The following NELL2 variants were observed in gnomAD, a reference collection of about 807,000 sequenced individuals.
NELL2 encodes protein kinase C-binding protein NELL2.
NELL2 carries 41 observed loss-of-function variants against 109.6 expected under a neutral mutation model. The observed-to-expected ratio is 0.37, with a 90% CI of 0.29 to 0.49. The LOEUF is 0.49. Among genes scored for constraint, NELL2 ranks in the 20% least tolerant of loss-of-function variants. The pLI is 0.98. For synonymous variants in NELL2, 355 were observed against 344.7 expected (o/e 1.03, Z -0.33); for missense variants, 900 against 1,008.3 (o/e 0.89, Z 1.45).
At chr12:44,913,863 C>T in exon 1 of NELL2, 2 of 692,844 alleles carry the variant, frequency 2.9e-6, no homozygotes, top group South Asian at 2.0e-5. Context: ...CTAAAAGGTT[C>T]TTTTTTCACT....
intron 13 of NELL2, among the ~76,000 whole-genome samples, chr12:44,658,763 C>A (rs1375493098): frequency 6.6e-6 from 1 of 150,402 alleles, no homozygotes; most frequent in Non-Finnish European, 1.5e-5. Flanking sequence ...GTAGTTCCAG[C>A]TACTCAGGAG....
At chr12:44,707,011 T>C (rs767007427) in intron 11 of NELL2, among the ~76,000 whole-genome samples, 46 of 152,176 alleles carry the variant, frequency 3.0e-4, no homozygotes, top group Non-Finnish European at 4.3e-4. Context: ...TAATACATAA[T>C]TATCAAGAGA....
intron 5 of NELL2, among the ~76,000 whole-genome samples, chr12:44,778,741 A>G (rs1436823900): frequency 6.6e-6 from 1 of 152,160 alleles, no homozygotes; most frequent in Non-Finnish European, 1.5e-5. Context: ...GTGCAGGTTT[A>G]TGCATAATAA....
chr12:44,899,558 A>G (rs977655881), intron 1 of NELL2, among the ~76,000 whole-genome samples: 6 of 152,160 alleles, frequency 3.9e-5, no homozygotes, highest in Non-Finnish European at 8.8e-5. Flanking sequence ...TAGACAAGCA[A>G]ATGCTGAGAG....
At chr12:44,787,048 A>C (rs868276422) in intron 3 of NELL2, among the ~76,000 whole-genome samples, 1 of 152,188 alleles carries the variant, frequency 6.6e-6, no homozygotes, top group African/African-American at 2.4e-5. Flanking sequence ...ATAAAAAAAA[A>C]CTATCAGAAC....
chr12:44,636,952 G>T (rs1946660458), intron 13 of NELL2, among the ~76,000 whole-genome samples: 1 of 151,992 alleles, frequency 6.6e-6, no homozygotes, highest in African/African-American at 2.4e-5. Flanking sequence ...TATATTCAGG[G>T]TTTTTACTTC....
intron 11 of NELL2, among the ~76,000 whole-genome samples, chr12:44,710,721 C>G (rs1938150676): frequency 6.6e-6 from 1 of 152,066 alleles, no homozygotes; most frequent in South Asian, 2.1e-4. Context: ...GAAGTCCCTT[C>G]TAATTACTAG....
At chr12:44,685,805 C>T (rs1037301358) in intron 12 of NELL2, among the ~76,000 whole-genome samples, 2 of 152,148 alleles carry the variant, frequency 1.3e-5, no homozygotes, top group African/African-American at 4.8e-5. Flanking sequence ...TGATGGGCTT[C>T]CCTTTGAGGG....
chr12:44,805,246 T>TA (rs1284706838), intron 3 of NELL2, among the ~76,000 whole-genome samples: 2 of 152,026 alleles, frequency 1.3e-5, no homozygotes, highest in African/African-American at 4.8e-5. Flanking sequence ...TCATAAAACT[T>TA]AAACTGATTC....
At chr12:44,878,149 T>A (rs1194949475), upstream of NELL2, among the ~76,000 whole-genome samples, 2 of 152,188 alleles carry the variant, frequency 1.3e-5, no homozygotes, top group African/African-American at 2.4e-5. Flanking sequence ...GTAGGGATAC[T>A]CTCGAGTTTC....
chr12:44,721,162 T>C (rs1592396804), intron 9 of NELL2, among the ~76,000 whole-genome samples: 2 of 152,358 alleles, frequency 1.3e-5, no homozygotes, highest in East Asian at 3.9e-4. Flanking sequence ...TTCAGCATTT[T>C]TGACTCTAAC....
chr12:44,642,623 T>G (rs190334623), intron 13 of NELL2, among the ~76,000 whole-genome samples: 59 of 152,320 alleles, frequency 3.9e-4, no homozygotes, highest in African/African-American at 1.4e-3. Context: ...GGATCATGCC[T>G]GTAATCCCAG....
intron 12 of NELL2, among the ~76,000 whole-genome samples, chr12:44,672,969 C>T (rs1948190103): frequency 6.6e-6 from 1 of 152,092 alleles, no homozygotes; most frequent in African/African-American, 2.4e-5. Flanking sequence ...AATATGAAAC[C>T]TTTTACGAAC....
intron 2 of NELL2, among the ~76,000 whole-genome samples, chr12:44,839,132 T>TTC (rs66620796): frequency 0.84 from 127,763 of 152,044 alleles, 53,898 homozygotes; most frequent in Middle Eastern, 0.95. Flanking sequence ...CATATGATCT[T>TTC]TAAAATTCTA....
intron 13 of NELL2, among the ~76,000 whole-genome samples, chr12:44,635,741 T>G (rs1175818021): frequency 6.6e-6 from 1 of 152,184 alleles, no homozygotes; most frequent in African/African-American, 2.4e-5. Flanking sequence ...TTGTTCTCTT[T>G]GCTTAGGATT....
chr12:44,771,425 G>C (rs573185865), intron 9 of NELL2, among the ~76,000 whole-genome samples: 1 of 152,084 alleles, frequency 6.6e-6, no homozygotes, highest in East Asian at 1.9e-4. Context: ...CTAACTGCAC[G>C]TTCCTGAATG....
At chr12:44,729,055 A>C (rs73283902) in intron 9 of NELL2, among the ~76,000 whole-genome samples, 4,121 of 152,262 alleles carry the variant, frequency 0.027, 183 homozygotes, top group African/African-American at 0.093. Context: ...TTAACTGGTA[A>C]AGGTAAATAT....
At chr12:44,882,625 T>A (rs928692194) in intron 1 of NELL2, among the ~76,000 whole-genome samples, 3 of 151,600 alleles carry the variant, frequency 2.0e-5, no homozygotes, top group Admixed American at 6.6e-5. Context: ...CCTCCCGAGT[T>A]CGAGCAATTC....
intron 13 of NELL2, among the ~76,000 whole-genome samples, chr12:44,630,008 C>T (rs1029167487): frequency 2.0e-5 from 3 of 152,020 alleles, no homozygotes; most frequent in Admixed American, 6.6e-5. Context: ...TACTAATAGC[C>T]CTATTAATCA....
Sources: gnomAD v4.1 joint callset for allele counts (sites outside exome capture counted in the v4.1 genomes callset) on GRCh38, gnomAD v4.1.1 for gene constraint, MANE v1.5 for transcripts, NCBI Gene and HGNC (gene_info 2026-07-23, HGNC 2026-07-21) for gene names.